Variants in NEGR1 observed in about 807,000 individuals in gnomAD.
NEGR1 encodes neuronal growth regulator 1.
In NEGR1, 10 loss-of-function variants were observed where a neutral mutation model predicts 40.9. That is an observed-to-expected ratio of 0.24 (90% confidence interval 0.15 to 0.42). The LOEUF (loss-of-function observed/expected upper bound fraction) is 0.42. Among genes scored for constraint, NEGR1 ranks in the 10% least tolerant of loss-of-function variants. NEGR1 has a pLI of 1.00. For synonymous variants in NEGR1, 185 were observed against 166.8 expected (o/e 1.11, Z -0.84); for missense variants, 352 against 438.9 (o/e 0.80, Z 1.77).
chr1:72,248,553 C>T (rs1654977481), intron 1 of NEGR1, among the ~76,000 whole-genome samples: 1 of 146,624 alleles, frequency 6.8e-6, no homozygotes, highest in Admixed American at 6.9e-5. Flanking sequence ...CCACCACGCC[C>T]AGCCTGAGAC....
chr1:72,069,898 C>T (rs148558662), intron 1 of NEGR1, among the ~76,000 whole-genome samples: 286 of 152,204 alleles, frequency 1.9e-3, no homozygotes, highest in African/African-American at 6.5e-3. Flanking sequence ...TCTCTTTCTT[C>T]ATGGACATCC....
intron 6 of NEGR1, chr1:71,476,811 C>T (rs1010857568): frequency 3.3e-5 from 5 of 152,088 alleles, no homozygotes; most frequent in Admixed American, 1.3e-4. Flanking sequence ...TTGCAACTTT[C>T]CTGGACTCTG....
chr1:71,496,201 TAGAG>T (rs1304195922), intron 6 of NEGR1, among the ~76,000 whole-genome samples: 7 of 151,898 alleles, frequency 4.6e-5, no homozygotes, highest in African/African-American at 1.5e-4. Flanking sequence ...ATACTCTAAA[TAGAG>T]AGAAAACAGA....
intron 2 of NEGR1, among the ~76,000 whole-genome samples, chr1:71,907,712 GCAGCACTACTCAT>G (rs1381773044): frequency 3.9e-5 from 6 of 152,084 alleles, no homozygotes; most frequent in African/African-American, 1.4e-4. Flanking sequence ...TACGTTCATT[GCAGCACTACTCAT>G]CATAGAAAAG....
chr1:72,079,110 T>TATATATATATATATAA, intron 1 of NEGR1, among the ~76,000 whole-genome samples: 1 of 143,322 alleles, frequency 7.0e-6, no homozygotes, highest in East Asian at 2.1e-4. Flanking sequence ...TATATATATA[T>TATATATATATATATAA]AATATTATAT....
intron 1 of NEGR1, among the ~76,000 whole-genome samples, chr1:72,061,594 C>T (rs1647174378): frequency 6.6e-6 from 1 of 151,590 alleles, no homozygotes. Flanking sequence ...ATGAAGACCA[C>T]GTAAATGATT....
At chr1:71,834,312 G>A (rs1658939915) in intron 2 of NEGR1, among the ~76,000 whole-genome samples, 1 of 152,058 alleles carries the variant, frequency 6.6e-6, no homozygotes, top group African/African-American at 2.4e-5. Context: ...GTCTTGGAAA[G>A]ATGTTTCCAG....
At chr1:71,922,398 G>T (rs1356402937) in intron 2 of NEGR1, among the ~76,000 whole-genome samples, 1 of 152,156 alleles carries the variant, frequency 6.6e-6, no homozygotes, top group Admixed American at 6.5e-5. Context: ...GAGGTGCAGA[G>T]AATAGCTTTG....
chr1:71,844,193 A>G lies in NEGR1; in HGVS notation c.410-67896T>C, dbSNP rs543973217. Among the ~76,000 whole-genome samples, 3 of 152,286 alleles carry G rather than the reference A, an allele frequency of 2.0e-5. No individual in the cohort carries two copies. The South Asian group carries it at 6.2e-4, about 32-fold the overall frequency. ...TCTATTAGAGGTATACCATTAATCA[A>G]ACTAATGAGAACTATGGATGTAACC... On this transcript the variant is annotated intron_variant, in intron 2 of 6. Transcript: ENST00000357731.
chr1:71,612,451 G>A lies in NEGR1; in HGVS notation c.668-1305C>T, dbSNP rs144285566. The stretch of plus-strand genomic sequence containing the variant: ...CACATAGTTATTCAGCTGTCAACAT[G>A]TGCCAGGCATTTCTCAAGGAACAAA... On this transcript the variant is annotated intron_variant, in intron 4 of 6. Transcript: ENST00000357731. Among the ~76,000 whole-genome samples the A allele has an allele frequency of 5.7e-3, 860 of 151,812 alleles. 4 individuals carry two copies. Among genetic ancestry groups the A allele is most frequent in the Middle Eastern group, 0.014 (4 of 294 alleles).
chr1:71,963,353 G>A (rs1325214248), intron 1 of NEGR1, among the ~76,000 whole-genome samples: 3 of 152,126 alleles, frequency 2.0e-5, no homozygotes, highest in Non-Finnish European at 4.4e-5. Context: ...GTTATTCTAT[G>A]TTATAGAGAT....
At chr1:71,730,345 C>T (rs771397638) in intron 3 of NEGR1, among the ~76,000 whole-genome samples, 2 of 151,850 alleles carry the variant, frequency 1.3e-5, no homozygotes, top group Non-Finnish European at 2.9e-5. Context: ...AATAGGTCTA[C>T]ATGTCTAACG....
intron 1 of NEGR1, among the ~76,000 whole-genome samples, chr1:72,219,582 T>G (rs1653943192): frequency 6.6e-6 from 1 of 152,068 alleles, no homozygotes; most frequent in African/African-American, 2.4e-5. Context: ...TATTAAAATT[T>G]TAGAAAGTTG....
chr1:71,496,038 A>G (rs1381396902), intron 6 of NEGR1, among the ~76,000 whole-genome samples: 1 of 152,124 alleles, frequency 6.6e-6, no homozygotes, highest in Non-Finnish European at 1.5e-5. Flanking sequence ...TTACAATTTT[A>G]TATGAGCAAG....
At chr1:72,249,076 C>A (rs1453352484) in intron 1 of NEGR1, among the ~76,000 whole-genome samples, 1 of 152,158 alleles carries the variant, frequency 6.6e-6, no homozygotes, top group Non-Finnish European at 1.5e-5. Context: ...GTGAGGGTAT[C>A]AGGAAGTTGA....
At chr1:71,997,723 T>G (rs777446809) in intron 1 of NEGR1, among the ~76,000 whole-genome samples, 13 of 152,008 alleles carry the variant, frequency 8.6e-5, no homozygotes, top group Non-Finnish European at 1.3e-4. Context: ...CAAATTCATA[T>G]TTTAATAACC....
chr1:72,012,126 T>C (rs1384662492), intron 1 of NEGR1, among the ~76,000 whole-genome samples: 2 of 152,152 alleles, frequency 1.3e-5, no homozygotes, highest in South Asian at 4.1e-4. Context: ...TATATTAGTA[T>C]GTTAGAATAA....
At chr1:72,120,522 T>TA (rs398102864) in intron 1 of NEGR1, among the ~76,000 whole-genome samples, 2 of 150,898 alleles carry the variant, frequency 1.3e-5, no homozygotes, top group African/African-American at 4.8e-5. Context: ...TTCTTTTTTT[T>TA]ATCATACTTT....
intron 2 of NEGR1, among the ~76,000 whole-genome samples, chr1:71,934,189 T>C (rs1645881583): frequency 1.3e-5 from 2 of 152,104 alleles, no homozygotes; most frequent in Admixed American, 1.3e-4. Flanking sequence ...CAACACACGA[T>C]TAATTTATAA....
Sources: gnomAD v4.1 joint callset for allele counts (sites outside exome capture counted in the v4.1 genomes callset) on GRCh38, gnomAD v4.1.1 for gene constraint, MANE v1.5 for transcripts, NCBI Gene and HGNC (gene_info 2026-07-23, HGNC 2026-07-21) for gene names.